The following GMPR variants were observed in gnomAD, a reference collection of about 807,000 sequenced individuals.
GMPR encodes guanosine monophosphate reductase.
A neutral mutation model predicts 38.4 loss-of-function variants in GMPR; 31 were observed. The observed-to-expected ratio is 0.81, with a 90% CI of 0.61 to 1.09. The LOEUF (loss-of-function observed/expected upper bound fraction) is 1.09, where lower values mean the gene tolerates loss of function less well. Among genes scored for constraint, GMPR ranks in the 50% least tolerant of loss-of-function variants. GMPR has a pLI of 0.00. For missense variants in GMPR, 468 were observed against 453.7 expected, an observed-to-expected ratio of 1.03 and a Z score of -0.29; for synonymous variants, 162 against 173.3, an observed-to-expected ratio of 0.93 and a Z score of 0.51.
chr6:16,290,443 C>T lies in GMPR; in HGVS notation c.698-19C>T. On this transcript the variant is annotated intron_variant, in intron 7 of 8. Transcript: ENST00000259727. ...TGTTTTCTCTGCTACTCGCTTTCAT[C>T]CCCACCGTTGGCATTTAGGAGCTGG... is the stretch of plus-strand genomic sequence containing the variant. The T allele has an allele frequency of 2.5e-6, 4 of 1,611,756 alleles. No individual in the cohort carries two copies. The highest frequency in any genetic ancestry group is 1.7e-4 in the Middle Eastern group (1 of 6,054).
chr6:16,289,734 G>A (rs1466261875), intron 7 of GMPR, among the ~76,000 whole-genome samples: 2 of 150,946 alleles, frequency 1.3e-5, no homozygotes, highest in Non-Finnish European at 3.0e-5. Context: ...TAAGCACAGG[G>A]AGTGTCAGAG....
Position 16,238,646 on chromosome 6 carries a change from C to A in GMPR, c.-48C>A. On this transcript the variant is annotated 5_prime_UTR_variant, in exon 1 of 9. Transcript: ENST00000259727. ...CGCTCCCCGCGCCGCCCCGCGCAGGCGCCCCCGCCCCGCCGTCGCCGCCGC... is the reference window on the plus strand; with the variant it reads ...CGCTCCCCGCGCCGCCCCGCGCAGGAGCCCCCGCCCCGCCGTCGCCGCCGC... 2 of 882,038 alleles carry A rather than the reference C, an allele frequency of 2.3e-6. No individual in the cohort carries two copies. The highest frequency in any genetic ancestry group is 3.9e-5 in the South Asian group (1 of 25,970). The allele number at this position is 882,038 out of a possible 1,614,324, so 54.6% of individuals were successfully genotyped here. A position where few individuals can be genotyped will look rare whatever the true frequency, so the allele number is the denominator to read the frequency against.
At chr6:16,257,307 T>G (rs1380666482) in intron 4 of GMPR, among the ~76,000 whole-genome samples, 1 of 152,222 alleles carries the variant, frequency 6.6e-6, no homozygotes, top group East Asian at 1.9e-4. Flanking sequence ...TATGTCTCGC[T>G]TCATCAGGCT....
At chr6:16,247,051 G>C in intron 2 of GMPR, 90 bp downstream of exon 2, 1 of 1,250,322 alleles carries the variant, frequency 8.0e-7, no homozygotes, top group Non-Finnish European at 1.1e-6. Flanking sequence ...CAGACACAAG[G>C]AAGAGTAGAA....
chr6:16,274,767 A>G (rs1228430403), intron 5 of GMPR, among the ~76,000 whole-genome samples: 1 of 152,196 alleles, frequency 6.6e-6, no homozygotes, highest in Non-Finnish European at 1.5e-5. Context: ...TTCAGAACCA[A>G]TGTGGAAGAA....
Position 16,278,824 on chromosome 6 carries a change from C to A in GMPR, c.588C>A (p.Tyr196Ter). Residue 196 changes from tyrosine (Y) to a stop codon, truncating the protein, a stop_gained, in exon 6 of 9, where the codon TAC (tyrosine) becomes TAA (stop). Transcript: ENST00000259727. LOFTEE classifies it high-confidence loss of function. ...CTTRTKTGVG[Y>*]PQLSAVIECA... ...CCCGCACCAAGACGGGAGTGGGGTACCCCCAGCTGAGTGCCGTCATTGAGT... is the reference window on the plus strand; with the variant it reads ...CCCGCACCAAGACGGGAGTGGGGTAACCCCAGCTGAGTGCCGTCATTGAGT... 6.2e-7 allele frequency: 1 copy of A among 1,613,912 alleles called. No homozygotes were observed. Among genetic ancestry groups the A allele is most frequent in the South Asian group, 1.1e-5 (1 of 91,072 alleles).
chr6:16,265,805 T>TCCGGAACCCTTCCATG (rs1561826449), intron 4 of GMPR, among the ~76,000 whole-genome samples: 1 of 152,174 alleles, frequency 6.6e-6, no homozygotes, highest in Admixed American at 6.6e-5. Context: ...GATAACCCAC[T>TCCGGAACCCTTCCATG]CCGGAACCCT....
chr6:16,242,176 A>G (rs2113665528), intron 1 of GMPR, among the ~76,000 whole-genome samples: 1 of 152,330 alleles, frequency 6.6e-6, no homozygotes, highest in African/African-American at 2.4e-5. Flanking sequence ...AGTCTGCTTA[A>G]AACTTCATAG....
chr6:16,275,919 A>C (rs1759464473), intron 5 of GMPR, among the ~76,000 whole-genome samples: 1 of 152,000 alleles, frequency 6.6e-6, no homozygotes, highest in Non-Finnish European at 1.5e-5. Context: ...AAAAATTAAA[A>C]AGTAGTCAGG....
chr6:16,285,128 C>T (rs1172730366), intron 6 of GMPR, among the ~76,000 whole-genome samples: 1 of 151,656 alleles, frequency 6.6e-6, no homozygotes, highest in Non-Finnish European at 1.5e-5. Context: ...TTACCCCCAA[C>T]AGCTGAACCT....
chr6:16,289,083 C>T (rs367977430), intron 7 of GMPR, among the ~76,000 whole-genome samples: 6 of 152,136 alleles, frequency 3.9e-5, no homozygotes, highest in South Asian at 2.1e-4. Context: ...TTTGTTGTTT[C>T]GCTCTTTGCA....
chr6:16,278,735 C>A, intron 5 of GMPR, 49 bp from the exon 6 acceptor site: 1 of 1,262,202 alleles, frequency 7.9e-7, no homozygotes, highest in African/African-American at 1.5e-5. Flanking sequence ...ATGTCACAGT[C>A]TTCTCATGTA....
chr6:16,289,183 C>CA (rs1759770071), intron 7 of GMPR, among the ~76,000 whole-genome samples: 1 of 152,184 alleles, frequency 6.6e-6, no homozygotes. Flanking sequence ...CATTTTTGAG[C>CA]TAGCGCAGAC....
chr6:16,253,979 G>A (rs1413002294), intron 3 of GMPR, among the ~76,000 whole-genome samples: 1 of 151,764 alleles, frequency 6.6e-6, no homozygotes, highest in African/African-American at 2.4e-5. Flanking sequence ...TGCCCAGACT[G>A]GAGTGCAATG....
At chr6:16,241,367 A>G (rs1290700615) in intron 1 of GMPR, among the ~76,000 whole-genome samples, 2 of 152,190 alleles carry the variant, frequency 1.3e-5, no homozygotes, top group South Asian at 2.1e-4. Context: ...CCCCCTCAGA[A>G]GCTTCAGGAC....
At chr6:16,268,645 G>A (rs1401463620) in intron 4 of GMPR, among the ~76,000 whole-genome samples, 1 of 152,158 alleles carries the variant, frequency 6.6e-6, no homozygotes, top group Non-Finnish European at 1.5e-5. Flanking sequence ...GCCGCCTGCT[G>A]CCTGTTTGCC....
At chr6:16,288,588 C>A (rs1462825531) in intron 7 of GMPR, among the ~76,000 whole-genome samples, 12 of 152,048 alleles carry the variant, frequency 7.9e-5, no homozygotes, top group Admixed American at 7.2e-4. Flanking sequence ...TGAGCGCCGC[C>A]CCCTGCTCCA....
rs1328760598 is a variant in GMPR at position 16,285,703 on chromosome 6, A to AC, written c.655-85dup. On this transcript the variant is annotated intron_variant, in intron 6 of 8. Coordinates refer to ENST00000259727, the MANE Select transcript of GMPR (RefSeq NM_006877.4). ...TTGCTGGGGGCTGTGGTGGGTCTGA[A>AC]CCCCCAGTCACTAGGTCATCTGGGG... 18 of 1,056,398 alleles carry AC rather than the reference A, an allele frequency of 1.7e-5. No individual in the cohort carries two copies. In the Admixed American group the frequency reaches 2.2e-4, roughly 13 times the overall value. 65.4% of individuals were successfully genotyped at this position (1,056,398 alleles called of 1,614,324 possible).
At chr6:16,261,546 A>G (rs1425043513) in intron 4 of GMPR, among the ~76,000 whole-genome samples, 7 of 152,024 alleles carry the variant, frequency 4.6e-5, no homozygotes. Context: ...GTTTGGCACC[A>G]TGGGGTGGAT....
Sources: allele counts gnomAD v4.1 joint callset (sites outside exome capture counted in the v4.1 genomes callset), GRCh38; gene constraint gnomAD v4.1.1; transcripts MANE v1.5; gene names NCBI Gene and HGNC (gene_info 2026-07-23, HGNC 2026-07-21).